Variants in ACOX2 observed in about 807,000 individuals in gnomAD.
The protein encoded by ACOX2 is acyl-CoA oxidase 2, also known as peroxisomal acyl-coenzyme A oxidase 2.
A neutral mutation model predicts 77.5 loss-of-function variants in ACOX2; 59 were observed. The observed-to-expected ratio is 0.76, with a 90% CI of 0.62 to 0.95. The LOEUF is 0.95. Ranked by LOEUF, ACOX2 falls within the 40% of genes least tolerant of loss-of-function variation. The pLI, the probability that ACOX2 is intolerant of heterozygous loss-of-function variation, is 0.00. For missense variants in ACOX2, 837 were observed against 880.4 expected (o/e 0.95, Z 0.62); for synonymous variants, 317 against 340.1 (o/e 0.93, Z 0.75).
At position 58,533,372 on chromosome 3, in the gene ACOX2, G is replaced by A; in HGVS notation, c.583+73C>T. On this transcript the variant is annotated intron_variant, in intron 5 of 14. Coordinates refer to ENST00000302819, the MANE Select transcript of ACOX2 (RefSeq NM_003500.4). The surrounding 1 kb of genome is among the most constrained non-coding windows in gnomAD (Gnocchi z 5.6). The stretch of plus-strand genomic sequence containing the variant: ...AATCTGAGGTCTGTTGGACCTCAAA[G>A]CCAGTGCTACTCTGCCCTCCAACAT... The A allele has an allele frequency of 7.2e-7, 1 of 1,387,272 alleles. No individual in the cohort carries two copies. The highest frequency in any genetic ancestry group is 1.2e-5 in the South Asian group (1 of 82,578). The allele number at this position is 1,387,272 out of a possible 1,614,324, so 85.9% of individuals were successfully genotyped here.
chr3:58,534,236 AC>A lies in ACOX2; in HGVS notation c.324-92del, dbSNP rs2063462579. ...GAGCAGAGTACAGGAGATAAAGGGC[AC>A]CTAGCATCCTGGTTTCCCAACAAGT... On this transcript the variant is annotated intron_variant, in intron 3 of 14. Coordinates refer to ENST00000302819, the MANE Select transcript of ACOX2 (RefSeq NM_003500.4). This position sits in a 1 kb window ranked among gnomAD's most constrained non-coding sequence, Gnocchi z 4.8. The A allele has an allele frequency of 6.3e-7, 1 of 1,579,164 alleles. No individual in the cohort carries two copies. The highest frequency in any genetic ancestry group is 1.8e-5 in the Admixed American group (1 of 54,432).
chr3:58,507,610 T>C (rs1361152687), intron 14 of ACOX2, among the ~76,000 whole-genome samples: 2 of 152,230 alleles, frequency 1.3e-5, no homozygotes, highest in Non-Finnish European at 2.9e-5. Context: ...CACACATTTA[T>C]CTTTAGACCA....
In ACOX2 at chr3:58,534,624, G is replaced by C; in HGVS notation, c.161-102C>G. The C allele has an allele frequency of 6.3e-7, 1 of 1,594,866 alleles. No individual in the cohort carries two copies. ...CTTCATGGATCTGGAAAGGAAGTCA[G>C]ACATTATTGTTATTTTACAGATGAC... On this transcript the variant is annotated intron_variant, in intron 2 of 14. Coordinates refer to ENST00000302819, the MANE Select transcript of ACOX2 (RefSeq NM_003500.4). The surrounding 1 kb of genome is among the most constrained non-coding windows in gnomAD (Gnocchi z 4.8).
intron 8 of ACOX2, among the ~76,000 whole-genome samples, chr3:58,530,173 G>A (rs976162554): frequency 6.6e-6 from 1 of 152,270 alleles, no homozygotes; most frequent in Non-Finnish European, 1.5e-5. Flanking sequence ...GAGTCAGACA[G>A]ACCTGGTGCT....
At position 58,534,083 on chromosome 3, in the gene ACOX2, A is replaced by C. The variant is rs764325678; in HGVS notation, c.386T>G (p.Leu129Arg). The C allele has an allele frequency of 2.5e-6, 4 of 1,614,174 alleles. No homozygotes were observed. In the South Asian group the frequency reaches 3.3e-5, roughly 13 times the overall value. Residue 129 changes from leucine to arginine, a missense_variant, in exon 4 of 15, where the codon CTG becomes CGG. Coordinates refer to ENST00000302819, the MANE Select transcript of ACOX2 (RefSeq NM_003500.4). The surrounding 1 kb of genome is among the most constrained non-coding windows in gnomAD (Gnocchi z 4.8). ...HRVFVRALRS[L>R]GSEEQIAKWD... ...TTTGGCAATCTGCTCCTCTGAGCCCAGGCTCCTGAGGGCTCTCACGAAGAC... is the reference window on the plus strand; with the variant it reads ...TTTGGCAATCTGCTCCTCTGAGCCCCGGCTCCTGAGGGCTCTCACGAAGAC...
Position 58,528,983 on chromosome 3 carries a change from A to G in ACOX2, c.993-27T>C, listed in dbSNP as rs1314412107. 8 of 1,591,678 alleles carry G rather than the reference A, an allele frequency of 5.0e-6. 1 individual carries two copies. The South Asian group carries it at 8.1e-5, about 16-fold the overall frequency. ...TGAAGGGAAAAGAACCAGAAGATTT[A>G]GATCACTACCTGTTGTGTCCACCTT... On this transcript the variant is annotated intron_variant, in intron 8 of 14. Coordinates refer to ENST00000302819, the MANE Select transcript of ACOX2 (RefSeq NM_003500.4). The surrounding 1 kb of genome is among the most constrained non-coding windows in gnomAD (Gnocchi z 5.6).
At chr3:58,510,662 AAAT>A (rs2063275053) in intron 13 of ACOX2, among the ~76,000 whole-genome samples, 1 of 12,280 alleles carries the variant, frequency 8.1e-5, no homozygotes, top group African/African-American at 3.2e-4. Context: ...AAAAAAAAAA[AAAT>A]ATATATATAT....
Position 58,531,187 on chromosome 3 carries a change from C to A in ACOX2, c.819+64G>T. 7 of 1,485,660 alleles carry A rather than the reference C, an allele frequency of 4.7e-6. No homozygotes were observed. Among genetic ancestry groups the A allele is most frequent in the Non-Finnish European group, 6.5e-6 (7 of 1,078,232 alleles). 92.0% of individuals were successfully genotyped at this position (1,485,660 alleles called of 1,614,324 possible). ...AGCTCTATGGAGGACCCAGGCCCAGCCTGCACAAAGCGCAGGTCCCCTCTC... is the reference window on the plus strand; with the variant it reads ...AGCTCTATGGAGGACCCAGGCCCAGACTGCACAAAGCGCAGGTCCCCTCTC... On this transcript the variant is annotated intron_variant, in intron 7 of 14. Transcript: ENST00000302819. The surrounding 1 kb of genome is among the most constrained non-coding windows in gnomAD (Gnocchi z 5.8).
In ACOX2 at chr3:58,524,305, C is replaced by G. The variant is rs1256970841; in HGVS notation, c.1526+121G>C. On this transcript the variant is annotated intron_variant, in intron 11 of 14. Coordinates refer to ENST00000302819, the MANE Select transcript of ACOX2 (RefSeq NM_003500.4). The surrounding 1 kb of genome is among the most constrained non-coding windows in gnomAD (Gnocchi z 5.5). ...GCAGGAACTGAGAGGACCGGGGAGG[C>G]TAGGCATGGGGTGGTTTTTAGAACT... The G allele has an allele frequency of 2.4e-6, 3 of 1,273,172 alleles. No individual in the cohort carries two copies. In the African/African-American group the frequency reaches 4.5e-5, roughly 19 times the overall value. 78.9% of individuals were successfully genotyped at this position (1,273,172 alleles called of 1,614,324 possible).
rs925595264 is a variant in ACOX2, at chr3:58,526,467, T to C, written c.1345A>G (p.Arg449Gly). ...GGCCTGGGTCAGCCTGGACCTTACC[T>C]GGCCACCTGCAGGTAGAGCACTGTG... ...ENTVLYLQVA[R>G]FLVKSYLQTQ... The change falls in exon 10 of 15, where the codon AGG (arginine) becomes GGG (glycine). Residue 449 changes from arginine (R) to glycine (G), a missense_variant and splice_region_variant. Arg to Gly is a moderately radical substitution (Grantham distance 125, BLOSUM62 -2). Coordinates refer to ENST00000302819, the MANE Select transcript of ACOX2 (RefSeq NM_003500.4). This position sits in a 1 kb window ranked among gnomAD's most constrained non-coding sequence, Gnocchi z 4.3. 4.3e-6 allele frequency: 7 copies of C among 1,611,258 alleles called. No homozygotes were observed. Among genetic ancestry groups the C allele is most frequent in the Non-Finnish European group, 5.1e-6 (6 of 1,178,448 alleles).
chr3:58,532,064 T>C (rs1017971074), intron 5 of ACOX2, among the ~76,000 whole-genome samples: 1 of 152,150 alleles, frequency 6.6e-6, no homozygotes, highest in Non-Finnish European at 1.5e-5. Context: ...ATCAACCTTA[T>C]AATAATGAAT....
intron 5 of ACOX2, among the ~76,000 whole-genome samples, chr3:58,532,048 T>C (rs1375202879): frequency 6.7e-6 from 1 of 150,304 alleles, no homozygotes; most frequent in Non-Finnish European, 1.5e-5. Context: ...AATGAATTAC[T>C]CTGTCATCAA....
Position 58,534,902 on chromosome 3 carries a change from G to A in ACOX2, c.160+45C>T, listed in dbSNP as rs747971537. Reference sequence around the variant, plus strand: ...ATGAAGGACTCTTCTTACAAGAGAAGCATGGGGCATAAAACAGATGTCCCA... The same window carrying A: ...ATGAAGGACTCTTCTTACAAGAGAAACATGGGGCATAAAACAGATGTCCCA... On this transcript the variant is annotated intron_variant, in intron 2 of 14. Coordinates refer to ENST00000302819, the MANE Select transcript of ACOX2 (RefSeq NM_003500.4). This position sits in a 1 kb window ranked among gnomAD's most constrained non-coding sequence, Gnocchi z 4.8. 8.1e-6 allele frequency: 13 copies of A among 1,611,362 alleles called. No homozygotes were observed. The highest frequency in any genetic ancestry group is 3.3e-4 in the Middle Eastern group (2 of 6,068).
At chr3:58,513,633 G>GTT (rs149453487) in intron 13 of ACOX2, among the ~76,000 whole-genome samples, 1 of 142,126 alleles carries the variant, frequency 7.0e-6, no homozygotes. Context: ...AGATATCACT[G>GTT]TTTTTTTTTT....
At position 58,531,478 on chromosome 3, in the gene ACOX2, A is replaced by G; in HGVS notation, c.704-112T>C. ...CAGCCTGTGACACTGGGATTATTGT[A>G]CCTATTTTGCAGGTGAACAAGCTGA... On this transcript the variant is annotated intron_variant, in intron 6 of 14. Transcript: ENST00000302819. The surrounding 1 kb of genome is among the most constrained non-coding windows in gnomAD (Gnocchi z 5.8). 1 of 1,244,634 alleles carries G rather than the reference A, an allele frequency of 8.0e-7. No homozygotes were observed. Among genetic ancestry groups the G allele is most frequent in the Non-Finnish European group, 1.1e-6 (1 of 886,942 alleles). The allele number at this position is 1,244,634 out of a possible 1,614,324, so 77.1% of individuals were successfully genotyped here.
Position 58,526,483 on chromosome 3 carries a change from G to A in ACOX2, c.1329C>T (p.Leu443=), listed in dbSNP as rs112570370. 2.5e-5 allele frequency: 40 copies of A among 1,613,632 alleles called. 1 individual carries two copies. The African/African-American group carries it at 3.3e-4, about 13-fold the overall frequency. Residue 443 remains leucine (L), a synonymous_variant, in exon 10 of 15, where the codon CTC becomes CTT. Coordinates refer to ENST00000302819, the MANE Select transcript of ACOX2 (RefSeq NM_003500.4). The surrounding 1 kb of genome is among the most constrained non-coding windows in gnomAD (Gnocchi z 4.3). ...SCTYEGENTV[L]YLQVARFLVK... is the part of the protein sequence containing the mutation. ...GACCTTACCTGGCCACCTGCAGGTAGAGCACTGTGTTCTCACCCTCGTAGG... is the reference window on the plus strand; with the variant it reads ...GACCTTACCTGGCCACCTGCAGGTAAAGCACTGTGTTCTCACCCTCGTAGG...
At position 58,521,549 on chromosome 3, in the gene ACOX2, C is replaced by T. The variant is rs889928951; in HGVS notation, c.1632+947G>A. The stretch of plus-strand genomic sequence containing the variant: ...CCTTCTGCCATGCTCATGGTCAGGA[C>T]CACCCTCAGTCCCGGTTCAGACTTG... On this transcript the variant is annotated intron_variant, in intron 12 of 14. Transcript: ENST00000302819. The surrounding 1 kb of genome is among the most constrained non-coding windows in gnomAD (Gnocchi z 4.8). Among the ~76,000 whole-genome samples, 5 of 152,166 alleles carry T rather than the reference C, an allele frequency of 3.3e-5. No individual in the cohort carries two copies. The highest frequency in any genetic ancestry group is 1.2e-4 in the African/African-American group (5 of 41,438).
Position 58,535,674 on chromosome 3 carries a change from C to G in ACOX2, c.-91-477G>C, listed in dbSNP as rs1353682525. ...TTAAACTGCTCATAAGTTCTAGGAT[C>G]ACTCAGCTCCATTTCTATGAGCCCT... On this transcript the variant is annotated intron_variant, in intron 1 of 14. Coordinates refer to ENST00000302819, the MANE Select transcript of ACOX2 (RefSeq NM_003500.4). The surrounding 1 kb of genome is among the most constrained non-coding windows in gnomAD (Gnocchi z 4.8). 6.6e-6 allele frequency among the ~76,000 whole-genome samples: 1 copy of G among 152,156 alleles called. No homozygotes were observed. The highest frequency in any genetic ancestry group is 1.5e-5 in the Non-Finnish European group (1 of 68,024).
intron 12 of ACOX2, among the ~76,000 whole-genome samples, chr3:58,518,684 AGCAGTGTTGCAATCTT>A (rs2063339025): frequency 6.6e-6 from 1 of 152,146 alleles, no homozygotes; most frequent in Non-Finnish European, 1.5e-5. Context: ...CAGGCTGAAG[AGCAGTGTTGCAATCTT>A]GCCTTGCTGC....
Sources: gnomAD v4.1 joint callset for allele counts (sites outside exome capture counted in the v4.1 genomes callset) on GRCh38, gnomAD v4.1.1 for gene constraint, Gnocchi (gnomAD v3.1) non-coding constraint, MANE v1.5 for transcripts, NCBI Gene and HGNC (gene_info 2026-07-23, HGNC 2026-07-21) for gene names.